DIPK1A: variants seen among roughly 807,000 people sequenced by gnomAD.
DIPK1A encodes the protein divergent protein kinase domain 1A.
DIPK1A carries 27 observed loss-of-function variants against 40.8 expected under a neutral mutation model. That is an observed-to-expected ratio of 0.66 (90% CI 0.49 to 0.91). The LOEUF (loss-of-function observed/expected upper bound fraction) is 0.91, where lower values mean the gene tolerates loss of function less well. Ranked by LOEUF, DIPK1A falls within the 40% of genes least tolerant of loss-of-function variation. The pLI is 0.00. For missense variants in DIPK1A, 412 were observed against 505.7 expected (o/e 0.81, Z 1.78); for synonymous variants, 166 against 171.3 (o/e 0.97, Z 0.24).
chr1:92,855,785 GA>G (rs1185981685), intron 2 of DIPK1A, among the ~76,000 whole-genome samples: 1 of 151,394 alleles, frequency 6.6e-6, no homozygotes, highest in South Asian at 2.1e-4. Context: ...GAAATAAATG[GA>G]AAAAAAATCA....
intron 1 of DIPK1A, among the ~76,000 whole-genome samples, chr1:92,957,914 A>C (rs567636253): frequency 5.3e-5 from 8 of 152,174 alleles, no homozygotes; most frequent in Admixed American, 2.0e-4. Flanking sequence ...GGCAACCACT[A>C]ATCTATCTTT....
chr1:92,947,852 C>T (rs1651434486), intron 1 of DIPK1A, among the ~76,000 whole-genome samples: 1 of 152,082 alleles, frequency 6.6e-6, no homozygotes, highest in South Asian at 2.1e-4. Context: ...AACAGTTGAT[C>T]TCATAGAAAT....
intron 1 of DIPK1A, among the ~76,000 whole-genome samples, chr1:92,885,613 C>T (rs183490289): frequency 5.3e-5 from 8 of 152,290 alleles, no homozygotes; most frequent in Admixed American, 2.0e-4. Flanking sequence ...ACCTCGGCCT[C>T]CCAAAGTTCT....
chr1:92,949,999 T>G (rs1169184866), intron 1 of DIPK1A, among the ~76,000 whole-genome samples: 2 of 152,172 alleles, frequency 1.3e-5, no homozygotes, highest in African/African-American at 4.8e-5. Flanking sequence ...AAGAAGGATA[T>G]GGAAACCACT....
At chr1:92,960,797 C>T (rs982699412) in intron 1 of DIPK1A, among the ~76,000 whole-genome samples, 6 of 152,164 alleles carry the variant, frequency 3.9e-5, no homozygotes, top group African/African-American at 1.4e-4. Context: ...TGTGATGGAA[C>T]GACCCAACCA....
At chr1:92,875,651 T>C (rs932474975) in intron 2 of DIPK1A, among the ~76,000 whole-genome samples, 6 of 150,974 alleles carry the variant, frequency 4.0e-5, no homozygotes, top group African/African-American at 7.3e-5. Flanking sequence ...TGGGAGGCAG[T>C]TGCAGTAGGC....
intron 1 of DIPK1A, among the ~76,000 whole-genome samples, chr1:92,952,400 G>A (rs963713128): frequency 6.6e-6 from 1 of 152,160 alleles, no homozygotes; most frequent in Non-Finnish European, 1.5e-5. Context: ...TGGGCCGACT[G>A]CTTGAGCCCA....
At chr1:92,894,936 C>A (rs1649091775) in intron 1 of DIPK1A, among the ~76,000 whole-genome samples, 1 of 152,046 alleles carries the variant, frequency 6.6e-6, no homozygotes, top group Admixed American at 6.6e-5. Flanking sequence ...CACATACACC[C>A]TCCCAAGACT....
chr1:92,931,983 TG>T, intron 1 of DIPK1A: 1 of 465,836 alleles, frequency 2.1e-6, no homozygotes, highest in Non-Finnish European at 4.2e-6. Flanking sequence ...ACAGATAGAC[TG>T]ATAACATATT....
At chr1:92,924,313 T>TA (rs1469008557) in intron 1 of DIPK1A, among the ~76,000 whole-genome samples, 1 of 152,120 alleles carries the variant, frequency 6.6e-6, no homozygotes, top group Non-Finnish European at 1.5e-5. Context: ...TTTAATCTTT[T>TA]TTTTTTTTAC....
At chr1:92,916,393 C>T (rs1316532845) in intron 1 of DIPK1A, among the ~76,000 whole-genome samples, 1 of 151,588 alleles carries the variant, frequency 6.6e-6, no homozygotes, top group Non-Finnish European at 1.5e-5. Flanking sequence ...CTTCCACCTC[C>T]CAGGTTCAGG....
At chr1:92,887,058 T>C (rs1648636493) in intron 1 of DIPK1A, among the ~76,000 whole-genome samples, 1 of 151,986 alleles carries the variant, frequency 6.6e-6, no homozygotes, top group African/African-American at 2.4e-5. Context: ...CTCATTGGTG[T>C]TGGGCTCAGC....
intron 1 of DIPK1A, among the ~76,000 whole-genome samples, chr1:92,892,753 A>G (rs1304194462): frequency 2.0e-5 from 3 of 152,060 alleles, no homozygotes; most frequent in Admixed American, 1.3e-4. Flanking sequence ...AAAACCTTAA[A>G]AAAAGATTAG....
intron 1 of DIPK1A, among the ~76,000 whole-genome samples, chr1:92,923,073 C>T (rs1471900775): frequency 6.6e-6 from 1 of 152,172 alleles, no homozygotes; most frequent in Non-Finnish European, 1.5e-5. Flanking sequence ...TTACCTGTAG[C>T]TTTCCATGCT....
In DIPK1A at chr1:92,833,672, T is replaced by C. The variant is rs781245464; in HGVS notation, c.475-638A>G. 1.1e-5 allele frequency: 17 copies of C among 1,593,170 alleles called. 2 individuals carry two copies. The South Asian group carries it at 1.9e-4, about 18-fold the overall frequency. On this transcript the variant is annotated intron_variant, in intron 4 of 4. Coordinates refer to the DIPK1A transcript ENST00000615519. ...ATATCATTTGTCAGGTAAGTTGTATTCTAGACAGTCCCCTTTTTTTATTGC... is the reference window on the plus strand; with the variant it reads ...ATATCATTTGTCAGGTAAGTTGTATCCTAGACAGTCCCCTTTTTTTATTGC...
intron 1 of DIPK1A, among the ~76,000 whole-genome samples, chr1:92,961,067 G>T (rs1217861307): frequency 1.3e-5 from 2 of 152,152 alleles, no homozygotes; most frequent in African/African-American, 4.8e-5. Flanking sequence ...TGCCCGGAGC[G>T]CGGGGTCGTA....
downstream of DIPK1A, among the ~76,000 whole-genome samples, chr1:92,841,182 C>G (rs1687350143): frequency 6.6e-6 from 1 of 152,158 alleles, no homozygotes; most frequent in Admixed American, 6.5e-5. Context: ...TATCATCTGC[C>G]CATTCTTTGC....
At position 92,891,925 on chromosome 1, in the gene DIPK1A, G is replaced by A. The variant is rs932152978; in HGVS notation, c.55-15495C>T. On this transcript the variant is annotated intron_variant, in intron 1 of 4. Transcript: ENST00000370310. ...TCGCTCATTGCTAGCACAGCAGTCT[G>A]AGATCAAACTGCAAGGCGGCAGCGA... Among the ~76,000 whole-genome samples, 22 of 152,276 alleles carry A rather than the reference G, an allele frequency of 1.4e-4. 1 individual carries two copies. The highest frequency in any genetic ancestry group is 5.1e-4 in the African/African-American group (21 of 41,548).
intron 1 of DIPK1A, among the ~76,000 whole-genome samples, chr1:92,959,903 C>CT (rs1157142089): frequency 0.08 from 3,830 of 47,604 alleles, 243 homozygotes; most frequent in Non-Finnish European, 0.093. Flanking sequence ...ACCCAACCAA[C>CT]TTTTTTTTTT....
Sources: allele counts gnomAD v4.1 joint callset (sites outside exome capture counted in the v4.1 genomes callset), GRCh38; gene constraint gnomAD v4.1.1; transcripts MANE v1.5; gene names NCBI Gene and HGNC (gene_info 2026-07-23, HGNC 2026-07-21).